TPPP2: variants seen among roughly 807,000 people sequenced by gnomAD.
TPPP2 encodes the protein tubulin polymerization-promoting protein family member 2.
A neutral mutation model predicts 13.0 loss-of-function variants in TPPP2; 8 were observed. That is an observed-to-expected ratio of 0.62 (90% CI 0.36 to 1.11). The LOEUF (loss-of-function observed/expected upper bound fraction) is 1.11. Ranked by LOEUF, TPPP2 falls within the 50% of genes most tolerant of loss-of-function variation. The pLI, the probability that TPPP2 is intolerant of heterozygous loss-of-function variation, is 0.02. For missense variants in TPPP2, 213 were observed against 216.9 expected, an observed-to-expected ratio of 0.98 and a Z score of 0.11; for synonymous variants, 81 against 81.8, an observed-to-expected ratio of 0.99 and a Z score of 0.05.
chr14:21,025,234 G>A (rs907321890), upstream of TPPP2: 187 of 827,918 alleles, frequency 2.3e-4, no homozygotes, highest in South Asian at 1.1e-4. This position sits in a 1 kb window ranked among gnomAD's most constrained non-coding sequence, Gnocchi z 5.1. Flanking sequence ...TGCTGGGGCC[G>A]GGGGGCGAGG....
At chr14:21,030,905 C>T in intron 2 of TPPP2, 107 bp from the exon 3 acceptor site, 1 of 1,518,634 alleles carries the variant, frequency 6.6e-7, no homozygotes. Context: ...GAGACACTCA[C>T]TGATTGATAG....
upstream of TPPP2, among the ~76,000 whole-genome samples, chr14:21,027,874 G>A (rs1156362374): frequency 6.6e-6 from 1 of 152,216 alleles, no homozygotes. Flanking sequence ...ACTTGAGTGG[G>A]AGTGAGGGGC....
At chr14:21,029,421 C>G (rs1958058376), upstream of TPPP2, 1 of 151,994 alleles carries the variant, frequency 6.6e-6, no homozygotes. Context: ...GCCAACATGG[C>G]AAAACCCCGT....
At chr14:21,025,699 C>A, upstream of TPPP2, 1 of 984,706 alleles carries the variant, frequency 1.0e-6, no homozygotes, top group Non-Finnish European at 1.2e-6. The surrounding 1 kb of genome is among the most constrained non-coding windows in gnomAD (Gnocchi z 5.1). Flanking sequence ...TGCTGCGTCC[C>A]GACGCCTGCT....
In TPPP2 at chr14:21,032,646, G is replaced by A; in HGVS notation, c.*569G>A. 5.8e-6 allele frequency: 2 copies of A among 342,912 alleles called. No individual in the cohort carries two copies. Among genetic ancestry groups the A allele is most frequent in the Non-Finnish European group, 1.1e-5 (2 of 177,278 alleles). 21.2% of individuals were successfully genotyped at this position (342,912 alleles called of 1,614,324 possible). On this transcript the variant is annotated 3_prime_UTR_variant, in exon 4 of 4. Transcript: ENST00000321760. ...GAGTCTATTTTCAACACCCAGCCCA[G>A]AACTAAGTTTTACCCCACATCACCT...
upstream of TPPP2, among the ~76,000 whole-genome samples, chr14:21,027,621 G>A (rs892080762): frequency 1.6e-4 from 24 of 152,202 alleles, no homozygotes; most frequent in Admixed American, 9.2e-4. Context: ...ATACTTTGAA[G>A]TAAGTTTCTG....
chr14:21,032,035 T>C lies in TPPP2; in HGVS notation c.471T>C (p.Ser157=). 6.2e-7 allele frequency: 1 copy of C among 1,614,002 alleles called. No individual in the cohort carries two copies. The highest frequency in any genetic ancestry group is 8.5e-7 in the Non-Finnish European group (1 of 1,180,004). ...TGACTGACAACACAGGCTATGTGAG[T>C]GGTTACAAGGGTTCTGGCACCTACG... ...EEMTDNTGYV[S]GYKGSGTYDK... The change falls in exon 4 of 4, where the codon AGT becomes AGC. Residue 157 remains serine (S), a synonymous_variant. Transcript: ENST00000321760.
chr14:21,026,468 C>T (rs1464267796), upstream of TPPP2, among the ~76,000 whole-genome samples: 1 of 150,480 alleles, frequency 6.6e-6, no homozygotes, highest in African/African-American at 2.5e-5. Flanking sequence ...CCCCAAGACC[C>T]CCAAGTTTCC....
downstream of TPPP2, chr14:21,036,257 T>A (rs1385238014): frequency 2.2e-6 from 1 of 456,140 alleles, no homozygotes; most frequent in East Asian, 6.9e-5. Flanking sequence ...CTCAAATATA[T>A]CTCTTATACA....
At chr14:21,025,747 G>T (rs1388178969), upstream of TPPP2, 1 of 983,282 alleles carries the variant, frequency 1.0e-6, no homozygotes, top group African/African-American at 1.7e-5. The surrounding 1 kb of genome is among the most constrained non-coding windows in gnomAD (Gnocchi z 5.1). Context: ...AACAAGGCGG[G>T]GAGGTGGGGG....
chr14:21,030,750 G>A lies in TPPP2; in HGVS notation c.169G>A (p.Val57Ile), dbSNP rs768515786. Residue 57 changes from valine to isoleucine, a missense_variant, in exon 2 of 4, where the codon GTC (valine) becomes ATC (isoleucine). Val to Ile is a conservative substitution (Grantham distance 29). Transcript: ENST00000321760. ...GGACGTGGACATCGTGTTCAGCAAA[G>A]TCAAGTGAGGAGCCAAAAATATGGA... The part of the protein sequence containing the change: ...STDVDIVFSK[V>I]KAKNARTITF... The A allele has an allele frequency of 1.9e-6, 3 of 1,613,652 alleles. No individual in the cohort carries two copies. Among genetic ancestry groups the A allele is most frequent in the Admixed American group, 1.7e-5 (1 of 59,992 alleles).
chr14:21,034,072 A>G, downstream of TPPP2: 1 of 1,614,162 alleles, frequency 6.2e-7, no homozygotes, highest in Non-Finnish European at 8.5e-7. Flanking sequence ...TGTATCACAT[A>G]ATGGATCTTT....
At chr14:21,034,033 A>T, downstream of TPPP2, 1 of 1,614,202 alleles carries the variant, frequency 6.2e-7, no homozygotes. Context: ...CTATACTTGC[A>T]GAACTTCTGG....
downstream of TPPP2, chr14:21,034,182 C>T (rs549619794): frequency 1.9e-6 from 3 of 1,614,066 alleles, no homozygotes; most frequent in South Asian, 2.2e-5. Context: ...ATAGTCAATG[C>T]TTAAGGTATA....
downstream of TPPP2, chr14:21,034,201 T>C: frequency 6.2e-7 from 1 of 1,614,132 alleles, no homozygotes; most frequent in Non-Finnish European, 8.5e-7. Context: ...TAGAAGTTCC[T>C]GCTGCCAATC....
At chr14:21,026,790 C>A (rs1203543721), upstream of TPPP2, among the ~76,000 whole-genome samples, 2 of 152,038 alleles carry the variant, frequency 1.3e-5, no homozygotes, top group African/African-American at 4.8e-5. Flanking sequence ...AGCTGGGCAC[C>A]CTGGCTCCTC....
chr14:21,026,523 C>T (rs1311968209), upstream of TPPP2, among the ~76,000 whole-genome samples: 4 of 150,396 alleles, frequency 2.7e-5, no homozygotes, highest in Non-Finnish European at 4.4e-5. Context: ...ACCACCCTCA[C>T]CACCCGCAAT....
chr14:21,035,923 T>G, downstream of TPPP2: 1 of 438,540 alleles, frequency 2.3e-6, no homozygotes, highest in Non-Finnish European at 4.6e-6. Context: ...AGACCAGGAA[T>G]TGAATCCTGC....
At chr14:21,035,856 C>T (rs1243108591), downstream of TPPP2, 1 of 456,174 alleles carries the variant, frequency 2.2e-6, no homozygotes, top group South Asian at 1.5e-5. Flanking sequence ...CTCCCCAATC[C>T]CAGCTACGGG....
Sources: allele counts gnomAD v4.1 joint callset (sites outside exome capture counted in the v4.1 genomes callset), GRCh38; gene constraint gnomAD v4.1.1; non-coding constraint Gnocchi (gnomAD v3.1); transcripts MANE v1.5; gene names NCBI Gene and HGNC (gene_info 2026-07-23, HGNC 2026-07-21).